BPTF: variants seen among roughly 807,000 people sequenced by gnomAD.
The protein encoded by BPTF is nucleosome-remodeling factor subunit BPTF.
In BPTF, 18 loss-of-function variants were observed where a neutral mutation model predicts 292.5. That is an observed-to-expected ratio of 0.06 (90% CI 0.04 to 0.09). BPTF has a LOEUF of 0.09. Ranked by LOEUF, BPTF falls within the 10% of genes least tolerant of loss-of-function variation. BPTF has a pLI of 1.00. For synonymous variants in BPTF, 1,225 were observed against 1,251.9 expected (o/e 0.98, Z 0.45); for missense variants, 2,726 against 3,498.7 (o/e 0.78, Z 5.57).
At chr17:67,930,931 A>C (rs371257417) in intron 17 of BPTF, among the ~76,000 whole-genome samples, 1 of 151,910 alleles carries the variant, frequency 6.6e-6, no homozygotes, top group South Asian at 2.1e-4. Context: ...CTGCAGTCTA[A>C]GTGACAGAGT....
chr17:67,893,917 T>C (rs1288269926), intron 6 of BPTF, 117 bp from the exon 7 acceptor site: 48 of 1,334,456 alleles, frequency 3.6e-5, no homozygotes, highest in Non-Finnish European at 4.9e-5. Context: ...TTGGAGGATT[T>C]TTAGGAGTCA....
At chr17:67,967,549 G>A (rs1346889986) in intron 26 of BPTF, among the ~76,000 whole-genome samples, 1 of 151,984 alleles carries the variant, frequency 6.6e-6, no homozygotes, top group African/African-American at 2.4e-5. Flanking sequence ...GGAAATGGCG[G>A]GGTGGCTCAC....
Position 67,946,227 on chromosome 17 carries a change from C to T in BPTF, c.7519C>T (p.Leu2507Phe), listed in dbSNP as rs575854598. ...AGAGCAGTTGCAAAGGGTTCAGCAA[C>T]TCAGGGATCAGCAGCAAAAGAAGAA... ...VQEQLQRVQQ[L>F]RDQQQKKKQQ... is the part of the protein sequence containing the mutation. The change falls in exon 21 of 28, where the codon CTC becomes TTC. Residue 2507 changes from leucine to phenylalanine, a missense_variant. Transcript: ENST00000306378. 2.5e-6 allele frequency: 4 copies of T among 1,614,232 alleles called. No homozygotes were observed. Among genetic ancestry groups the T allele is most frequent in the African/African-American group, 1.3e-5 (1 of 75,050 alleles).
intron 4 of BPTF, among the ~76,000 whole-genome samples, chr17:67,889,795 C>T (rs11079710): frequency 0.25 from 37,319 of 151,030 alleles, 5,280 homozygotes; most frequent in East Asian, 0.68. Flanking sequence ...GCGACAAGAG[C>T]GAAACTCCAT....
intron 19 of BPTF, among the ~76,000 whole-genome samples, chr17:67,942,821 C>G (rs531537389): frequency 6.6e-6 from 1 of 152,248 alleles, no homozygotes; most frequent in East Asian, 1.9e-4. Flanking sequence ...GCAGATGATT[C>G]TCACAAATAT....
Position 67,948,272 on chromosome 17 carries a change from C to T in BPTF, c.7892C>T (p.Ala2631Val). The change falls in exon 23 of 28, where the codon GCA becomes GTA. Residue 2631 changes from alanine to valine, a missense_variant. This residue lies in a region of BPTF where 148 missense variants were observed against 145.5 expected (regional missense o/e 1.02). Coordinates refer to ENST00000306378, the MANE Select transcript of BPTF (RefSeq NM_182641.4). ...AGAGCCGAGATCCTGAAGAAGAGAG[C>T]ACTCCTGGACAAGGATCTGCAAATT... is the stretch of plus-strand genomic sequence containing the variant. ...QLRAEILKKR[A>V]LLDKDLQIEV... The T allele has an allele frequency of 6.2e-7, 1 of 1,613,764 alleles. No homozygotes were observed. The highest frequency in any genetic ancestry group is 8.5e-7 in the Non-Finnish European group (1 of 1,179,994).
At chr17:67,979,903 G>C (rs1316033431) in intron 27 of BPTF, among the ~76,000 whole-genome samples, 2 of 151,720 alleles carry the variant, frequency 1.3e-5, no homozygotes, top group East Asian at 1.9e-4. Flanking sequence ...AGCTAGGTGT[G>C]GTGGTGCACG....
chr17:67,978,621 A>C (rs112636457), intron 27 of BPTF, among the ~76,000 whole-genome samples: 3 of 152,100 alleles, frequency 2.0e-5, no homozygotes, highest in Non-Finnish European at 4.4e-5. Flanking sequence ...ATTTGAGTTC[A>C]GAAAACAAGT....
At chr17:67,942,717 C>A (rs1345929994) in intron 19 of BPTF, among the ~76,000 whole-genome samples, 2 of 152,242 alleles carry the variant, frequency 1.3e-5, no homozygotes, top group East Asian at 3.9e-4. Context: ...AAACTAAGAA[C>A]AACTCAGGTG....
At chr17:67,902,525 C>T (rs749631893) in intron 7 of BPTF, among the ~76,000 whole-genome samples, 1 of 152,166 alleles carries the variant, frequency 6.6e-6, no homozygotes, top group Non-Finnish European at 1.5e-5. Context: ...CAGTGAGGAT[C>T]TGCTCCCTTT....
chr17:67,866,155 A>G (rs1417882550), intron 2 of BPTF, among the ~76,000 whole-genome samples: 1 of 152,132 alleles, frequency 6.6e-6, no homozygotes, highest in African/African-American at 2.4e-5. Context: ...AATAATTCTA[A>G]ATACATTCTT....
intron 1 of BPTF, among the ~76,000 whole-genome samples, chr17:67,853,627 G>T (rs2058541801): frequency 6.6e-6 from 1 of 151,746 alleles, no homozygotes; most frequent in Non-Finnish European, 1.5e-5. Flanking sequence ...TTTCCTTAGA[G>T]ATCCTTGTTC....
At chr17:67,835,039 C>G (rs1463541838) in intron 1 of BPTF, among the ~76,000 whole-genome samples, 1 of 152,022 alleles carries the variant, frequency 6.6e-6, no homozygotes, top group African/African-American at 2.4e-5. Context: ...TAGTAAGACA[C>G]TGTCTTTACA....
chr17:67,868,962 T>C (rs2059546816), intron 3 of BPTF, among the ~76,000 whole-genome samples: 1 of 152,202 alleles, frequency 6.6e-6, no homozygotes, highest in Non-Finnish European at 1.5e-5. Flanking sequence ...ATTAGATCTG[T>C]TTAGAAAAAT....
intron 26 of BPTF, chr17:67,974,277 C>T (rs1330117301): frequency 8.4e-6 from 1 of 119,196 alleles, no homozygotes; most frequent in Non-Finnish European, 1.8e-5. Context: ...AAAGCAGTTG[C>T]CTGCTCTACA....
chr17:67,924,727 TCATGCACACC>T, intron 15 of BPTF, 138 bp downstream of exon 15: 1 of 889,858 alleles, frequency 1.1e-6, no homozygotes, highest in Non-Finnish European at 1.8e-6. Flanking sequence ...TTAGCCAAAT[TCATGCACACC>T]CATGCACAGT....
In BPTF at chr17:67,870,011, A is replaced by G. The variant is rs560240251; in HGVS notation, c.1660+3324A>G. 2.7e-5 allele frequency among the ~76,000 whole-genome samples: 4 copies of G among 150,866 alleles called. No individual in the cohort carries two copies. In the East Asian group the frequency reaches 5.8e-4, roughly 22 times the overall value. ...AGCGAGACTCCGTCTCAAAAAAAAA[A>G]AAAAAAAAAAAAAAATTAGCAAAAC... is the stretch of plus-strand genomic sequence containing the variant. On this transcript the variant is annotated intron_variant, in intron 3 of 27. Coordinates refer to ENST00000306378, the MANE Select transcript of BPTF (RefSeq NM_182641.4).
chr17:67,846,145 G>T (rs926268101), intron 1 of BPTF, among the ~76,000 whole-genome samples: 3 of 152,078 alleles, frequency 2.0e-5, no homozygotes, highest in Non-Finnish European at 2.9e-5. Flanking sequence ...AAATATAAAA[G>T]AAGTTATCCC....
rs1555676579 is a variant in BPTF at position 67,948,231 on chromosome 17, G to A, written c.7851G>A (p.Lys2617=). 6.2e-7 allele frequency: 1 copy of A among 1,614,014 alleles called. No homozygotes were observed. The highest frequency in any genetic ancestry group is 8.5e-7 in the Non-Finnish European group (1 of 1,180,054). The change falls in exon 23 of 28, where the codon AAG becomes AAA. Residue 2617 remains lysine, a synonymous_variant. Coordinates refer to ENST00000306378, the MANE Select transcript of BPTF (RefSeq NM_182641.4). ...CTAAGCTGTCAGCTCTGCTCTTCAA[G>A]CACAAAGAGCAGCTCAGAGCCGAGA... is the stretch of plus-strand genomic sequence containing the variant. ...NATKLSALLF[K]HKEQLRAEIL... is the part of the protein sequence containing the mutation.
Sources: allele counts gnomAD v4.1 joint callset (sites outside exome capture counted in the v4.1 genomes callset), GRCh38; gene constraint gnomAD v4.1.1; regional missense constraint gnomAD v4.1.1; transcripts MANE v1.5; gene names NCBI Gene and HGNC (gene_info 2026-07-23, HGNC 2026-07-21).